TBCK: variants seen among roughly 807,000 people sequenced by gnomAD.
TBCK encodes the protein TBC domain-containing protein kinase-like protein.
Under a neutral mutation model 113.4 loss-of-function variants are expected in TBCK, and 99 were observed. That is an observed-to-expected ratio of 0.87 (90% CI 0.74 to 1.03). The LOEUF (loss-of-function observed/expected upper bound fraction) is 1.03, where lower values mean the gene tolerates loss of function less well. Among genes scored for constraint, TBCK ranks in the 50% least tolerant of loss-of-function variants. The pLI is 0.00. For missense variants in TBCK, 1,045 were observed against 1,061.3 expected (o/e 0.98, Z 0.21); for synonymous variants, 369 against 370.8 (o/e 1.00, Z 0.05).
Position 106,199,590 on chromosome 4 carries a change from T to C in TBCK, c.1861-4836A>G, listed in dbSNP as rs139042777. ...CTTGCATGTCTAACAGATACACATA[T>C]CCTAAAACGAGCTTCTGAGACTTCC... On this transcript the variant is annotated intron_variant, in intron 20 of 25. Coordinates refer to ENST00000394708, the MANE Select transcript of TBCK (RefSeq NM_001163435.3). Among the ~76,000 whole-genome samples the C allele has an allele frequency of 1.1e-4, 16 of 152,246 alleles. No individual in the cohort carries two copies. The East Asian group carries it at 2.9e-3, about 28-fold the overall frequency.
At chr4:106,051,547 T>C (rs1015095076) in intron 25 of TBCK, among the ~76,000 whole-genome samples, 2 of 151,894 alleles carry the variant, frequency 1.3e-5, no homozygotes, top group African/African-American at 4.8e-5. Flanking sequence ...TTTGTTTTTC[T>C]TCATCTTATG....
chr4:106,178,746 T>C (rs1426736913), intron 22 of TBCK, among the ~76,000 whole-genome samples: 1 of 152,004 alleles, frequency 6.6e-6, no homozygotes, highest in Non-Finnish European at 1.5e-5. Flanking sequence ...TTCATCTATG[T>C]CCATCAGGGA....
chr4:106,233,837 G>A (rs969707756), intron 15 of TBCK, among the ~76,000 whole-genome samples, 187 bp from the exon 16 acceptor site: 2 of 151,990 alleles, frequency 1.3e-5, no homozygotes, highest in Non-Finnish European at 2.9e-5. Flanking sequence ...TGTGATGAAG[G>A]TCTCTGATAA....
At chr4:106,113,717 A>T in intron 24 of TBCK, among the ~76,000 whole-genome samples, 1 of 152,220 alleles carries the variant, frequency 6.6e-6, no homozygotes, top group East Asian at 1.9e-4. Flanking sequence ...AGAAGTCAGA[A>T]GACTGAGCGA....
At chr4:106,062,156 A>G (rs990523994) in intron 25 of TBCK, among the ~76,000 whole-genome samples, 2 of 151,878 alleles carry the variant, frequency 1.3e-5, no homozygotes, top group African/African-American at 4.8e-5. Flanking sequence ...CTTCCTATAG[A>G]TTTATAGATT....
intron 23 of TBCK, among the ~76,000 whole-genome samples, chr4:106,159,595 GA>G (rs1749523804): frequency 6.6e-6 from 1 of 151,938 alleles, no homozygotes; most frequent in Non-Finnish European, 1.5e-5. Flanking sequence ...CTTGTGCAAT[GA>G]AAACAACAAA....
chr4:106,110,992 TA>T (rs34101966), intron 24 of TBCK, among the ~76,000 whole-genome samples: 394 of 147,392 alleles, frequency 2.7e-3, no homozygotes, highest in East Asian at 0.013. Context: ...TATAAAGAGC[TA>T]AAAAAAAAAA....
rs1765784544 is a variant in TBCK at position 106,292,125 on chromosome 4, C to T, written c.266+2969G>A. ...CACAGCGGCCACCATGACTGGACGG[C>T]TTTCTGGTTTCACTTCTCAGGTCAA... On this transcript the variant is annotated intron_variant, in intron 3 of 25. Coordinates refer to ENST00000394708, the MANE Select transcript of TBCK (RefSeq NM_001163435.3). Among the ~76,000 whole-genome samples, 3 of 152,146 alleles carry T rather than the reference C, an allele frequency of 2.0e-5. No homozygotes were observed. In the South Asian group the frequency reaches 6.2e-4, roughly 32 times the overall value.
At chr4:106,086,789 G>A (rs998088479) in intron 25 of TBCK, among the ~76,000 whole-genome samples, 4 of 152,210 alleles carry the variant, frequency 2.6e-5, no homozygotes, top group South Asian at 2.1e-4. Flanking sequence ...GATGCAAATC[G>A]ATAAATGTAA....
intron 19 of TBCK, among the ~76,000 whole-genome samples, chr4:106,218,271 A>G (rs1192084902): frequency 6.6e-6 from 1 of 150,664 alleles, no homozygotes; most frequent in Non-Finnish European, 1.5e-5. Flanking sequence ...AAACCCTAGA[A>G]GAAAACCTAG....
At chr4:106,187,388 T>C (rs1753144059) in intron 22 of TBCK, among the ~76,000 whole-genome samples, 1 of 152,018 alleles carries the variant, frequency 6.6e-6, no homozygotes, top group Admixed American at 6.6e-5. Flanking sequence ...TGTTTTTCCA[T>C]TTGTTTGTGT....
At chr4:106,304,995 T>C (rs1328745605) in intron 2 of TBCK, among the ~76,000 whole-genome samples, 2 of 152,208 alleles carry the variant, frequency 1.3e-5, no homozygotes, top group African/African-American at 4.8e-5. Flanking sequence ...TAAGCCTCAA[T>C]TCTAACTACC....
intron 24 of TBCK, among the ~76,000 whole-genome samples, chr4:106,115,259 A>T (rs1743351677): frequency 6.6e-6 from 1 of 152,212 alleles, no homozygotes; most frequent in South Asian, 2.1e-4. Context: ...GATCAAAGGA[A>T]ATACTCATTA....
chr4:106,207,975 C>T (rs1207879500), intron 20 of TBCK, among the ~76,000 whole-genome samples: 1 of 152,288 alleles, frequency 6.6e-6, no homozygotes, highest in East Asian at 1.9e-4. Flanking sequence ...GAATTAATTA[C>T]TCAGAAATGA....
At chr4:106,196,718 A>T (rs1754282736) in intron 20 of TBCK, among the ~76,000 whole-genome samples, 1 of 152,152 alleles carries the variant, frequency 6.6e-6, no homozygotes, top group Non-Finnish European at 1.5e-5. Context: ...GTTGTAGAAA[A>T]CAATAAAACA....
chr4:106,294,280 C>T (rs1217919627), intron 3 of TBCK, among the ~76,000 whole-genome samples: 1 of 151,668 alleles, frequency 6.6e-6, no homozygotes, highest in Admixed American at 6.6e-5. Flanking sequence ...ACCTCCGCCC[C>T]GCGGGTTCAA....
intron 23 of TBCK, among the ~76,000 whole-genome samples, chr4:106,118,008 CAAA>C (rs1006398569): frequency 3.9e-5 from 3 of 76,422 alleles, no homozygotes; most frequent in Non-Finnish European, 2.7e-5. Flanking sequence ...GACTCCGTCT[CAAA>C]AAAAAAAAAA....
chr4:106,216,708 G>C (rs553967151), intron 19 of TBCK, among the ~76,000 whole-genome samples: 1 of 152,048 alleles, frequency 6.6e-6, no homozygotes, highest in Non-Finnish European at 1.5e-5. Context: ...CAGGATCTGA[G>C]ATTGTGGCAA....
chr4:106,158,368 C>G (rs958732792), intron 23 of TBCK, among the ~76,000 whole-genome samples: 2 of 152,194 alleles, frequency 1.3e-5, no homozygotes, highest in African/African-American at 4.8e-5. Flanking sequence ...CATGGTAAAA[C>G]CCTGCTTCTA....
Sources: allele counts gnomAD v4.1 joint callset (sites outside exome capture counted in the v4.1 genomes callset), GRCh38; gene constraint gnomAD v4.1.1; transcripts MANE v1.5; gene names NCBI Gene and HGNC (gene_info 2026-07-23, HGNC 2026-07-21).